Variants in CCDC13 observed in about 807,000 individuals in gnomAD.
CCDC13 encodes the protein coiled-coil domain containing 13.
CCDC13 carries 70 observed loss-of-function variants against 87.3 expected under a neutral mutation model. The observed-to-expected ratio is 0.80, with a 90% CI of 0.66 to 0.98. The LOEUF is 0.98. Ranked by LOEUF, CCDC13 falls within the 50% of genes least tolerant of loss-of-function variation. CCDC13 has a pLI of 0.00. For synonymous variants in CCDC13, 317 were observed against 360.3 expected, an observed-to-expected ratio of 0.88 and a Z score of 1.36; for missense variants, 842 against 892.0, an observed-to-expected ratio of 0.94 and a Z score of 0.71.
chr3:42,752,501 G>A, intron 4 of CCDC13, 74 bp downstream of exon 4: 1 of 1,575,726 alleles, frequency 6.3e-7, no homozygotes, highest in Non-Finnish European at 8.7e-7. Context: ...GGCTACATAT[G>A]GAGAAGCTAG....
chr3:42,758,267 G>T lies in CCDC13; in HGVS notation c.79C>A (p.Gln27Lys). 1 of 1,613,706 alleles carries T rather than the reference G, an allele frequency of 6.2e-7. No individual in the cohort carries two copies. Among genetic ancestry groups the T allele is most frequent in the Non-Finnish European group, 8.5e-7 (1 of 1,180,032 alleles). Residue 27 changes from glutamine (Q) to lysine (K), a missense_variant, in exon 2 of 16, where the codon CAG (glutamine) becomes AAG (lysine). Physicochemically the swap from Gln to Lys is moderately conservative, Grantham distance 53. Transcript: ENST00000310232. The stretch of plus-strand genomic sequence containing the variant: ...TCCCTCTTTTTCTCCATCTGCTTCT[G>T]TAACCGTTTGTGCTGCATCTCCTGC... ...AMQEMQHKRLQKQMEKKREKE... is the reference protein window; with the variant it reads ...AMQEMQHKRLKKQMEKKREKE...
At chr3:42,715,103 C>G (rs927754744) in intron 13 of CCDC13, among the ~76,000 whole-genome samples, 3 of 150,350 alleles carry the variant, frequency 2.0e-5, no homozygotes, top group Admixed American at 1.3e-4. Context: ...ACCAGACCAG[C>G]CTGGCCAACA....
intron 1 of CCDC13, among the ~76,000 whole-genome samples, chr3:42,769,146 G>GA (rs1257308426): frequency 6.6e-6 from 1 of 151,056 alleles, no homozygotes; most frequent in Admixed American, 6.6e-5. Flanking sequence ...TTCAAAAAAA[G>GA]AAAAAAAAGA....
chr3:42,766,592 G>A (rs1226510791), intron 1 of CCDC13, among the ~76,000 whole-genome samples: 3 of 132,704 alleles, frequency 2.3e-5, no homozygotes, highest in Admixed American at 8.2e-5. Flanking sequence ...GGAAAAGAGC[G>A]AGATCCTGTC....
chr3:42,743,449 G>T (rs1000555669), intron 7 of CCDC13, among the ~76,000 whole-genome samples: 5 of 146,932 alleles, frequency 3.4e-5, no homozygotes, highest in South Asian at 2.1e-4. Flanking sequence ...ACAGGGTCTT[G>T]CTCTGTTGCC....
chr3:42,746,286 C>A, intron 6 of CCDC13: 1 of 448,878 alleles, frequency 2.2e-6, no homozygotes, highest in Non-Finnish European at 4.1e-6. Context: ...CCAGATAGGG[C>A]CCCTTGCTCT....
At chr3:42,751,600 G>C (rs1699580208) in intron 5 of CCDC13, among the ~76,000 whole-genome samples, 1 of 152,242 alleles carries the variant, frequency 6.6e-6, no homozygotes. Context: ...CTGACAGTGG[G>C]AGGTCAGTTG....
intron 12 of CCDC13, among the ~76,000 whole-genome samples, chr3:42,731,245 T>C (rs1698823076): frequency 6.6e-6 from 1 of 151,754 alleles, no homozygotes; most frequent in East Asian, 1.9e-4. Flanking sequence ...GAGCTTACTT[T>C]TCTAGCAGTA....
chr3:42,708,734 T>C lies in CCDC13; in HGVS notation c.*246A>G. The C allele has an allele frequency of 2.4e-6, 1 of 409,994 alleles. No homozygotes were observed. The highest frequency in any genetic ancestry group is 5.1e-5 in the South Asian group (1 of 19,554). 25.4% of individuals were successfully genotyped at this position (409,994 alleles called of 1,614,324 possible). Reference sequence around the variant, plus strand: ...GCTCTCGCCTCTGCCAGTGGGCTGCTGGGCCTCCCTGCTGCTGTAACCCAG... The same window carrying C: ...GCTCTCGCCTCTGCCAGTGGGCTGCCGGGCCTCCCTGCTGCTGTAACCCAG... On this transcript the variant is annotated 3_prime_UTR_variant, in exon 16 of 16. Transcript: ENST00000310232.
chr3:42,751,845 T>C (rs11929390), intron 5 of CCDC13, 91 bp downstream of exon 5: 563,693 of 1,178,800 alleles, frequency 0.48, 136,396 homozygotes, highest in South Asian at 0.59. Flanking sequence ...GGGGTGGACC[T>C]CGGGTAGAGG....
chr3:42,756,969 C>T (rs913476670), intron 3 of CCDC13, 97 bp downstream of exon 3: 47 of 1,211,534 alleles, frequency 3.9e-5, no homozygotes, highest in Non-Finnish European at 5.3e-5. Flanking sequence ...TGACCCTTGG[C>T]ACTCTCTTGG....
intron 1 of CCDC13, among the ~76,000 whole-genome samples, 200 bp downstream of exon 1, chr3:42,772,976 C>T (rs2125920163): frequency 6.6e-6 from 1 of 152,272 alleles, no homozygotes; most frequent in East Asian, 1.9e-4. Context: ...TAAGCGTCTG[C>T]CTGGGTTAGA....
intron 13 of CCDC13, chr3:42,717,893 T>C (rs895771344): frequency 6.6e-6 from 1 of 152,234 alleles, no homozygotes; most frequent in African/African-American, 2.4e-5. Context: ...TGGTTGGTTG[T>C]CAGCTCCTAG....
chr3:42,735,576 G>C, intron 10 of CCDC13, 131 bp downstream of exon 10: 1 of 872,974 alleles, frequency 1.1e-6, no homozygotes, highest in Non-Finnish European at 1.8e-6. Flanking sequence ...CCAGATAGAA[G>C]CAGGTGGCCA....
chr3:42,730,383 G>A (rs1320467846), intron 13 of CCDC13, 84 bp downstream of exon 13: 21 of 1,551,130 alleles, frequency 1.4e-5, no homozygotes, highest in Non-Finnish European at 1.8e-5. Flanking sequence ...CTCAGGTGAG[G>A]AGGACCCAGT....
chr3:42,771,364 A>G (rs1700100396), intron 1 of CCDC13, among the ~76,000 whole-genome samples: 1 of 152,108 alleles, frequency 6.6e-6, no homozygotes, highest in Admixed American at 6.5e-5. Context: ...AGTAAAGCCT[A>G]GGGGGTTTTT....
At position 42,709,798 on chromosome 3, in the gene CCDC13, C is replaced by A. The variant is rs1038508318; in HGVS notation, c.1874G>T (p.Gly625Val). The change falls in exon 15 of 16, where the codon GGT (glycine) becomes GTT (valine). Residue 625 changes from glycine (G) to valine (V), a missense_variant and splice_region_variant. Transcript: ENST00000310232. Reference protein sequence around the residue: ...SQRAAPRTKTGLPTSNNRHNP... With the variant: ...SQRAAPRTKTVLPTSNNRHNP... ...GTGCCTGTTGTTAGAGGTGGGCAGA[C>A]CTGTGGGGCAGCAGCAACCACTTTC... 1.9e-6 allele frequency: 3 copies of A among 1,613,334 alleles called. No individual in the cohort carries two copies. The highest frequency in any genetic ancestry group is 2.7e-5 in the African/African-American group (2 of 75,038).
At chr3:42,729,649 AG>A (rs1195136905) in intron 13 of CCDC13, among the ~76,000 whole-genome samples, 1 of 152,374 alleles carries the variant, frequency 6.6e-6, no homozygotes, top group African/African-American at 2.4e-5. Context: ...TCAGTGGCCC[AG>A]GGAACTGCCT....
downstream of CCDC13, among the ~76,000 whole-genome samples, chr3:42,705,443 C>T (rs921105142): frequency 6.6e-6 from 1 of 152,214 alleles, no homozygotes; most frequent in East Asian, 1.9e-4. Context: ...GGCCAAACTA[C>T]GTCCACAGCT....
Sources: allele counts gnomAD v4.1 joint callset (sites outside exome capture counted in the v4.1 genomes callset), GRCh38; gene constraint gnomAD v4.1.1; transcripts MANE v1.5; gene names NCBI Gene and HGNC (gene_info 2026-07-23, HGNC 2026-07-21).